Variants in EPG5 observed in about 807,000 individuals in gnomAD.
EPG5 encodes ectopic P granules protein 5 homolog.
Under a neutral mutation model 302.7 loss-of-function variants are expected in EPG5, and 159 were observed. The ratio of observed to expected loss-of-function variants is 0.53; its 90% confidence interval spans 0.46 to 0.60. The LOEUF (loss-of-function observed/expected upper bound fraction) is 0.60. Ranked by LOEUF, EPG5 falls within the 20% of genes least tolerant of loss-of-function variation. The probability of loss-of-function intolerance (pLI) is 0.00; values close to 1 mark genes in which losing one functional copy is unlikely to be tolerated. For missense variants in EPG5, 2,896 were observed against 3,092.4 expected (o/e 0.94, Z 1.51); for synonymous variants, 1,158 against 1,136.8 (o/e 1.02, Z -0.37).
At position 45,944,094 on chromosome 18, in the gene EPG5, A is replaced by C. The variant is rs761367664; in HGVS notation, c.1703T>G (p.Ile568Ser). 6.2e-7 allele frequency: 1 copy of C among 1,613,410 alleles called. No individual in the cohort carries two copies. The highest frequency in any genetic ancestry group is 1.3e-5 in the African/African-American group (1 of 74,924). Residue 568 changes from isoleucine (I) to serine (S), a missense_variant, in exon 8 of 44, where the codon ATT (isoleucine) becomes AGT (serine). Around this residue, in one of 5 missense-constraint regions of EPG5, gnomAD observed 1,390 missense variants for 1,430.0 expected, o/e 0.97. Coordinates refer to ENST00000282041, the MANE Select transcript of EPG5 (RefSeq NM_020964.3). Reference protein sequence around the residue: ...EEDEDPETSWILLNEDDLVTI... With the variant: ...EEDEDPETSWSLLNEDDLVTI... ...AACCAAATCATCTTCATTAAGGAGA[A>C]TCCAACTGGTCTCAGGGTCTTCATC...
chr18:45,929,002 T>C lies in EPG5; in HGVS notation c.2420A>G (p.Tyr807Cys). Residue 807 changes from tyrosine to cysteine, a missense_variant, in exon 13 of 44, where the codon TAT becomes TGT. Tyr to Cys is a radical substitution (Grantham distance 194, BLOSUM62 -2). Transcript: ENST00000282041. The part of the protein sequence containing the change: ...IIVLEIYEVS[Y>C]VTLSTRETFS... ...AGTCTCTCTGGTAGACAAGGTGACA[T>C]AAGATACCTAAATGGGGGGAAGGGG... is the stretch of plus-strand genomic sequence containing the variant. 6.2e-7 allele frequency: 1 copy of C among 1,613,714 alleles called. No individual in the cohort carries two copies. The highest frequency in any genetic ancestry group is 8.5e-7 in the Non-Finnish European group (1 of 1,179,842).
Position 45,955,157 on chromosome 18 carries a change from T to G in EPG5, c.245A>C (p.Asp82Ala). The change falls in exon 2 of 44, where the codon GAT becomes GCT. Residue 82 changes from aspartate (D) to alanine (A), a missense_variant. Asp to Ala is a moderately radical substitution (Grantham distance 126). This residue lies in a region of EPG5 where 1,390 missense variants were observed against 1,430.0 expected (regional missense o/e 0.97). Transcript: ENST00000282041. ...TATAGTTAAGGAGGTGAGTGGTACA[T>G]CAAACATTTCACTCTCATTTTGTCC... ...ASGQNESEMF[D>A]VPLTSLTISN... 1 of 1,614,108 alleles carries G rather than the reference T, an allele frequency of 6.2e-7. No homozygotes were observed. The highest frequency in any genetic ancestry group is 8.5e-7 in the Non-Finnish European group (1 of 1,180,020).
intron 37 of EPG5, among the ~76,000 whole-genome samples, chr18:45,867,291 A>G (rs1338129756): frequency 2.6e-5 from 4 of 152,262 alleles, no homozygotes; most frequent in African/African-American, 9.6e-5. Flanking sequence ...ATTGACTTCA[A>G]GAAGCATACA....
chr18:45,951,389 A>G (rs2050906107), intron 3 of EPG5, 151 bp from the exon 4 acceptor site: 2 of 453,472 alleles, frequency 4.4e-6, no homozygotes, highest in East Asian at 7.2e-5. Context: ...TTAAATTTTT[A>G]TAAACAGACA....
chr18:45,801,661 C>G, the EPG5 span, among the ~76,000 whole-genome samples: 1 of 152,194 alleles, frequency 6.6e-6, no homozygotes, highest in Non-Finnish European at 1.5e-5. Context: ...CCTTCCATTC[C>G]TTTCCCAGTC....
At chr18:45,840,329 G>A in the EPG5 span, 3 of 1,433,022 alleles carry the variant, frequency 2.1e-6, no homozygotes, top group Non-Finnish European at 2.9e-6. Flanking sequence ...AGGAATAAAT[G>A]GCAAAGGGCT....
intron 13 of EPG5, 151 bp from the exon 14 acceptor site, chr18:45,926,053 A>C: frequency 2.2e-6 from 1 of 446,686 alleles, no homozygotes; most frequent in Non-Finnish European, 3.8e-6. Context: ...AATGGAAATC[A>C]CGGACAACCA....
At chr18:45,890,030 T>C (rs978341564) in intron 27 of EPG5, 90 bp from the exon 28 acceptor site, 10 of 1,119,328 alleles carry the variant, frequency 8.9e-6, no homozygotes, top group Middle Eastern at 3.1e-4. Flanking sequence ...TATTGTCTTA[T>C]AAAAATACCA....
At chr18:45,948,078 T>C (rs2050825762) in intron 6 of EPG5, among the ~76,000 whole-genome samples, 1 of 152,056 alleles carries the variant, frequency 6.6e-6, no homozygotes, top group South Asian at 2.1e-4. Context: ...CCCAGTCCAA[T>C]CCATTCTTCA....
rs1014786721 is a variant in EPG5 at position 45,857,163 on chromosome 18, G to A, written c.7442+690C>T. ...CTGACTCTGTCACCTAGGCTGGAGT[G>A]CAGTGGCATAATTTCAGCTCACTGA... On this transcript the variant is annotated intron_variant, in intron 42 of 43. Transcript: ENST00000282041. 2.9e-4 allele frequency among the ~76,000 whole-genome samples: 44 copies of A among 152,134 alleles called. No homozygotes were observed. In the South Asian group the frequency reaches 3.3e-3, roughly 11 times the overall value.
intron 27 of EPG5, among the ~76,000 whole-genome samples, chr18:45,898,672 G>A (rs1243384175): frequency 1.3e-5 from 2 of 152,166 alleles, no homozygotes; most frequent in Admixed American, 6.5e-5. Flanking sequence ...GCAGCAGACA[G>A]CCAGAGTTCC....
chr18:45,898,502 TTCTGCCTATA>T (rs1388757686), intron 27 of EPG5, among the ~76,000 whole-genome samples: 1 of 152,238 alleles, frequency 6.6e-6, no homozygotes, highest in Non-Finnish European at 1.5e-5. Context: ...CAGATCCAAA[TTCTGCCTATA>T]TTCCAGTGCA....
the EPG5 span, among the ~76,000 whole-genome samples, chr18:45,824,777 G>A: frequency 3.9e-5 from 6 of 152,084 alleles, no homozygotes; most frequent in Non-Finnish European, 5.9e-5. Context: ...GCCATCCACC[G>A]AATCATAGAA....
At chr18:45,844,307 A>G (rs2048348547), downstream of EPG5, among the ~76,000 whole-genome samples, 1 of 152,206 alleles carries the variant, frequency 6.6e-6, no homozygotes, top group African/African-American at 2.4e-5. Flanking sequence ...ATACTTACTG[A>G]GAACAAAATA....
intron 35 of EPG5, among the ~76,000 whole-genome samples, chr18:45,874,964 T>C (rs1481163356): frequency 8.5e-5 from 13 of 152,228 alleles, no homozygotes; most frequent in Admixed American, 8.5e-4. Context: ...CTAAGGACTA[T>C]ATTCTTACTG....
intron 43 of EPG5, among the ~76,000 whole-genome samples, chr18:45,854,972 G>A (rs2048484327): frequency 6.6e-6 from 1 of 152,196 alleles, no homozygotes; most frequent in Non-Finnish European, 1.5e-5. Flanking sequence ...CTGGCACAGA[G>A]GGAGTACTCA....
At chr18:45,940,970 C>T (rs181423765) in intron 9 of EPG5, among the ~76,000 whole-genome samples, 9 of 152,088 alleles carry the variant, frequency 5.9e-5, no homozygotes, top group Middle Eastern at 3.4e-3. Flanking sequence ...TGGAGGTGCT[C>T]GGTTGGTAGT....
intron 43 of EPG5, among the ~76,000 whole-genome samples, chr18:45,854,696 C>T (rs538104665): frequency 2.0e-5 from 3 of 152,070 alleles, no homozygotes; most frequent in Admixed American, 6.5e-5. Context: ...CCAGTCTCTA[C>T]AAAAAAAATT....
chr18:45,887,728 G>A (rs377285477), intron 29 of EPG5, 23 bp downstream of exon 29: 1 of 1,501,146 alleles, frequency 6.7e-7, no homozygotes, highest in Admixed American at 1.9e-5. Flanking sequence ...TCTGATCAAG[G>A]CAAAAGGTAC....
Sources: gnomAD v4.1 joint callset for allele counts (sites outside exome capture counted in the v4.1 genomes callset) on GRCh38, gnomAD v4.1.1 for gene constraint, gnomAD v4.1.1 regional missense constraint, MANE v1.5 for transcripts, NCBI Gene and HGNC (gene_info 2026-07-23, HGNC 2026-07-21) for gene names.